CRIM1: variants seen among roughly 807,000 people sequenced by gnomAD.
The protein encoded by CRIM1 is cysteine-rich motor neuron 1 protein.
Under a neutral mutation model 116.4 loss-of-function variants are expected in CRIM1, and 32 were observed. The observed-to-expected ratio is 0.27, with a 90% CI of 0.21 to 0.37. CRIM1 has a LOEUF of 0.37. Among genes scored for constraint, CRIM1 ranks in the 10% least tolerant of loss-of-function variants. CRIM1 has a pLI of 1.00. For missense variants in CRIM1, 1,331 were observed against 1,354.8 expected (o/e 0.98, Z 0.28); for synonymous variants, 590 against 509.2 (o/e 1.16, Z -2.13).
chr2:36,371,261 C>T (rs1159918577), intron 1 of CRIM1, among the ~76,000 whole-genome samples: 1 of 152,128 alleles, frequency 6.6e-6, no homozygotes, highest in Non-Finnish European at 1.5e-5. Context: ...TCCCCCATCC[C>T]CCATCCCCCA....
chr2:36,536,158 C>G (rs1666539091), intron 13 of CRIM1, among the ~76,000 whole-genome samples: 1 of 152,240 alleles, frequency 6.6e-6, no homozygotes, highest in Admixed American at 6.5e-5. Flanking sequence ...CCTCAGAGCA[C>G]TCGCTGCAAA....
In CRIM1 at chr2:36,389,662, G is replaced by A. The variant is rs1308499075; in HGVS notation, c.332-6952G>A. On this transcript the variant is annotated intron_variant, in intron 1 of 16. Transcript: ENST00000280527. ...TATTAACCTAAACAGATACAAGGTGGAAAAGGTAAGAATCTGAGCATACAA... is the reference window on the plus strand; with the variant it reads ...TATTAACCTAAACAGATACAAGGTGAAAAAGGTAAGAATCTGAGCATACAA... Among the ~76,000 whole-genome samples the A allele has an allele frequency of 2.0e-5, 3 of 152,180 alleles. No individual in the cohort carries two copies. The East Asian group carries it at 5.8e-4, about 29-fold the overall frequency.
chr2:36,413,481 T>C (rs1329335611), intron 2 of CRIM1, among the ~76,000 whole-genome samples: 1 of 152,146 alleles, frequency 6.6e-6, no homozygotes, highest in Non-Finnish European at 1.5e-5. Flanking sequence ...GAAAGGACGG[T>C]TGTGAGGCCA....
intron 13 of CRIM1, among the ~76,000 whole-genome samples, chr2:36,527,964 G>C (rs745914768): frequency 6.6e-6 from 1 of 151,826 alleles, no homozygotes; most frequent in Non-Finnish European, 1.5e-5. Context: ...TTTATGTCTC[G>C]GTGATATGAT....
intron 1 of CRIM1, among the ~76,000 whole-genome samples, chr2:36,386,807 CA>C (rs1412909265): frequency 6.6e-6 from 1 of 152,202 alleles, no homozygotes; most frequent in African/African-American, 2.4e-5. Context: ...GTACTTAATT[CA>C]GTCCCTATAG....
At chr2:36,468,115 C>T (rs1049786377) in intron 5 of CRIM1, among the ~76,000 whole-genome samples, 1 of 152,154 alleles carries the variant, frequency 6.6e-6, no homozygotes, top group African/African-American at 2.4e-5. Context: ...GAGGTAGATC[C>T]AAAGACCCCA....
intron 2 of CRIM1, among the ~76,000 whole-genome samples, chr2:36,405,806 A>G (rs1018584826): frequency 6.6e-6 from 1 of 152,196 alleles, no homozygotes; most frequent in African/African-American, 2.4e-5. Context: ...CATGGTAATG[A>G]TTTCATTATG....
chr2:36,380,479 G>C (rs765327817), intron 1 of CRIM1, among the ~76,000 whole-genome samples: 11 of 152,160 alleles, frequency 7.2e-5, no homozygotes, highest in Non-Finnish European at 1.5e-4. Context: ...AATTTCATAA[G>C]CCTTGGGGGC....
chr2:36,400,744 G>T (rs948640293), intron 2 of CRIM1, among the ~76,000 whole-genome samples: 1 of 152,152 alleles, frequency 6.6e-6, no homozygotes, highest in African/African-American at 2.4e-5. Flanking sequence ...AGGGCAGAAA[G>T]AATTTTGTTG....
At chr2:36,377,887 CTA>C (rs1213525303) in intron 1 of CRIM1, among the ~76,000 whole-genome samples, 1 of 152,160 alleles carries the variant, frequency 6.6e-6, no homozygotes, top group Non-Finnish European at 1.5e-5. Context: ...GTTCCAAACT[CTA>C]TGTTGATAAC....
Position 36,356,381 on chromosome 2 carries a change from C to G in CRIM1, c.89C>G (p.Ser30Cys), listed in dbSNP as rs765353985. The change falls in exon 1 of 17, where the codon TCC becomes TGC. Residue 30 changes from serine (S) to cysteine (C), a missense_variant. Around this residue, in one of 3 missense-constraint regions of CRIM1, gnomAD observed 690 missense variants for 676.0 expected, o/e 1.02. Coordinates refer to ENST00000280527, the MANE Select transcript of CRIM1 (RefSeq NM_016441.3). The surrounding 1 kb of genome is among the most constrained non-coding windows in gnomAD (Gnocchi z 4.3). Reference sequence around the variant, plus strand: ...GGGCTGCTGCTGCTGCTGGCGCGCTCCGGCACCCGGGCGCTGGTCTGCCTG... The same window carrying G: ...GGGCTGCTGCTGCTGCTGGCGCGCTGCGGCACCCGGGCGCTGGTCTGCCTG... ...LLGLLLLLAR[S>C]GTRALVCLPC... The G allele has an allele frequency of 2.7e-5, 43 of 1,597,894 alleles. No homozygotes were observed. The South Asian group carries it at 4.0e-4, about 15-fold the overall frequency.
intron 7 of CRIM1, among the ~76,000 whole-genome samples, chr2:36,483,354 T>C (rs1396126776): frequency 1.3e-5 from 2 of 152,176 alleles, no homozygotes; most frequent in African/African-American, 4.8e-5. Flanking sequence ...AGGGCCACTG[T>C]TATTTGTAAC....
chr2:36,368,221 G>T (rs139606637), intron 1 of CRIM1, among the ~76,000 whole-genome samples: 1 of 152,226 alleles, frequency 6.6e-6, no homozygotes, highest in East Asian at 1.9e-4. Context: ...TGGCATGTTG[G>T]TGCCTCACGT....
chr2:36,404,837 C>T (rs751084116), intron 2 of CRIM1, among the ~76,000 whole-genome samples: 7 of 152,150 alleles, frequency 4.6e-5, no homozygotes, highest in Non-Finnish European at 7.4e-5. Context: ...AGATCATTAA[C>T]TTAATTATCC....
At chr2:36,444,049 G>A (rs756145614) in intron 4 of CRIM1, among the ~76,000 whole-genome samples, 9 of 152,146 alleles carry the variant, frequency 5.9e-5, no homozygotes, top group Non-Finnish European at 7.4e-5. Flanking sequence ...ATGGAGCATC[G>A]CTAACAGTAA....
At chr2:36,396,490 C>T (rs1672037235) in intron 1 of CRIM1, 124 bp from the exon 2 acceptor site, 1 of 577,404 alleles carries the variant, frequency 1.7e-6, no homozygotes, top group Non-Finnish European at 3.0e-6. Flanking sequence ...AGCCAGACTG[C>T]CTTTCACAAA....
chr2:36,435,683 C>T (rs1288291702), intron 2 of CRIM1, among the ~76,000 whole-genome samples: 2 of 151,944 alleles, frequency 1.3e-5, no homozygotes, highest in Non-Finnish European at 2.9e-5. Flanking sequence ...CCTATACTTC[C>T]TTGACATATG....
At chr2:36,415,508 C>T (rs1673542531) in intron 2 of CRIM1, among the ~76,000 whole-genome samples, 1 of 152,176 alleles carries the variant, frequency 6.6e-6, no homozygotes, top group Non-Finnish European at 1.5e-5. Context: ...GTTTCTTCCC[C>T]AGGGATGTCA....
At position 36,549,234 on chromosome 2, in the gene CRIM1, T is replaced by G. The variant is rs1667575538; in HGVS notation, c.*533T>G. On this transcript the variant is annotated 3_prime_UTR_variant, in exon 17 of 17. Coordinates refer to ENST00000280527, the MANE Select transcript of CRIM1 (RefSeq NM_016441.3). ...TACCAGACGAGCACATCAGAACCCT[T>G]TGACAGCCATCCCAGGTCTAAAGCC... is the stretch of plus-strand genomic sequence containing the variant. 6.5e-6 allele frequency: 1 copy of G among 152,712 alleles called. No homozygotes were observed. The highest frequency in any genetic ancestry group is 1.5e-5 in the Non-Finnish European group (1 of 68,110). 9.5% of individuals were successfully genotyped at this position (152,712 alleles called of 1,614,324 possible).
Sources: allele counts gnomAD v4.1 joint callset (sites outside exome capture counted in the v4.1 genomes callset), GRCh38; gene constraint gnomAD v4.1.1; regional missense constraint gnomAD v4.1.1; non-coding constraint Gnocchi (gnomAD v3.1); transcripts MANE v1.5; gene names NCBI Gene and HGNC (gene_info 2026-07-23, HGNC 2026-07-21).